Variants in ZMYND8 observed in about 807,000 individuals in gnomAD.
ZMYND8 encodes zinc finger MYND-type containing 8, also known as MYND-type zinc finger-containing chromatin reader ZMYND8.
In ZMYND8, 37 loss-of-function variants were observed where a neutral mutation model predicts 140.8. The ratio of observed to expected loss-of-function variants is 0.26; its 90% CI spans 0.20 to 0.35. The LOEUF is 0.35. ZMYND8 is among the 10% of genes least tolerant of loss of function. The probability of loss-of-function intolerance (pLI) is 1.00; values close to 1 mark genes in which losing one functional copy is unlikely to be tolerated. For missense variants in ZMYND8, 1,068 were observed against 1,570.0 expected, an observed-to-expected ratio of 0.68 and a Z score of 5.40; for synonymous variants, 592 against 597.1, an observed-to-expected ratio of 0.99 and a Z score of 0.12.
chr20:47,298,877 G>A lies in ZMYND8; in HGVS notation c.305C>T (p.Pro102Leu), dbSNP rs1569134750. The change falls in exon 4 of 23, where the codon CCG becomes CTG. Residue 102 changes from proline to leucine, a missense_variant. Around this residue, in one of 10 missense-constraint regions of ZMYND8, gnomAD observed 109 missense variants for 314.9 expected, o/e 0.35. Coordinates refer to ENST00000471951, the MANE Select transcript of ZMYND8 (RefSeq NM_001281775.3). This position sits in a 1 kb window ranked among gnomAD's most constrained non-coding sequence, Gnocchi z 5.0. ...PLTTDPVDVV[P>L]QDGRNDFYCW... ...GTAGAAATCATTCCGTCCATCCTGCGGTACAACATCAACAGGGTCTGTGGT... is the reference window on the plus strand; with the variant it reads ...GTAGAAATCATTCCGTCCATCCTGCAGTACAACATCAACAGGGTCTGTGGT... The A allele has an allele frequency of 3.1e-6, 5 of 1,613,980 alleles. No individual in the cohort carries two copies. The highest frequency in any genetic ancestry group is 1.7e-5 in the Admixed American group (1 of 59,968).
chr20:47,321,856 CT>C (rs60425976), intron 2 of ZMYND8, among the ~76,000 whole-genome samples: 2,624 of 123,440 alleles, frequency 0.021, 4 homozygotes, highest in African/African-American at 0.025. Context: ...ACTCGCCGCC[CT>C]TTTTTTTTTT....
At chr20:47,290,406 A>AG in intron 6 of ZMYND8, 132 bp from the exon 7 acceptor site, 1 of 686,738 alleles carries the variant, frequency 1.5e-6, no homozygotes, top group Non-Finnish European at 2.4e-6. Context: ...TCATTTCCCA[A>AG]GATGCTTCTT....
rs1404493201 is a variant in ZMYND8, at chr20:47,259,464, C to T, written c.1621+2824G>A. ...GGCACCCCATGCCTCCTCTCCAGACCTCCCTCAGTTTCTCCATCTGAAAAT... is the reference window on the plus strand; with the variant it reads ...GGCACCCCATGCCTCCTCTCCAGACTTCCCTCAGTTTCTCCATCTGAAAAT... On this transcript the variant is annotated intron_variant, in intron 12 of 22. Transcript: ENST00000471951. Among the ~76,000 whole-genome samples, 6 of 152,278 alleles carry T rather than the reference C, an allele frequency of 3.9e-5. No individual in the cohort carries two copies. The South Asian group carries it at 8.3e-4, about 21-fold the overall frequency.
At chr20:47,313,123 G>C (rs1000831122) in intron 2 of ZMYND8, among the ~76,000 whole-genome samples, 2 of 151,832 alleles carry the variant, frequency 1.3e-5, no homozygotes, top group African/African-American at 4.8e-5. Context: ...CCAGCACTTT[G>C]AGAGGCCGAG....
rs141173482 is a variant in ZMYND8, at chr20:47,234,202, T to C, written c.2856+2124A>G. On this transcript the variant is annotated intron_variant, in intron 16 of 22. Transcript: ENST00000471951. ...TAGCTGGGACTACAGGCGCATGCCA[T>C]CATGCCAGGCTGATTTTTTGTATTT... is the stretch of plus-strand genomic sequence containing the variant. Among the ~76,000 whole-genome samples the C allele has an allele frequency of 5.0e-3, 762 of 152,340 alleles. 5 individuals carry two copies. Among genetic ancestry groups the C allele is most frequent in the Non-Finnish European group, 9.1e-3 (617 of 68,032 alleles).
intron 11 of ZMYND8, among the ~76,000 whole-genome samples, chr20:47,267,713 C>A (rs2075635705): frequency 6.6e-6 from 1 of 152,192 alleles, no homozygotes; most frequent in Non-Finnish European, 1.5e-5. Context: ...AGAATAAAAT[C>A]CAACGTCCTC....
intron 21 of ZMYND8, among the ~76,000 whole-genome samples, chr20:47,218,917 G>A (rs1037314055): frequency 5.3e-5 from 8 of 152,154 alleles, no homozygotes; most frequent in Non-Finnish European, 1.0e-4. Flanking sequence ...GAAATGAAAT[G>A]TTTGCTTTTC....
Position 47,212,731 on chromosome 20 carries a change from G to GAGAT in ZMYND8, c.3485-10_3485-7dup. The GAGAT allele has an allele frequency of 6.2e-7, 1 of 1,607,298 alleles. No homozygotes were observed. Among genetic ancestry groups the GAGAT allele is most frequent in the Non-Finnish European group, 8.5e-7 (1 of 1,175,144 alleles). ...CTTGTCACACCTTTTGCTAACTGAA[G>GAGAT]AGATAGCACAGGTAGCCTCAGAGTC... On this transcript the variant is annotated splice_polypyrimidine_tract_variant and splice_region_variant and intron_variant, in intron 21 of 22. Coordinates refer to ENST00000471951, the MANE Select transcript of ZMYND8 (RefSeq NM_001281775.3).
chr20:47,284,409 G>A (rs1293812631), intron 8 of ZMYND8, among the ~76,000 whole-genome samples: 4 of 152,094 alleles, frequency 2.6e-5, no homozygotes, highest in Admixed American at 6.6e-5. Context: ...GGAGGGATGC[G>A]GGACTACTGA....
At chr20:47,340,289 T>C (rs958145121) in intron 2 of ZMYND8, among the ~76,000 whole-genome samples, 8 of 149,400 alleles carry the variant, frequency 5.4e-5, no homozygotes, top group African/African-American at 1.0e-4. Context: ...TCTCAAATCA[T>C]TGGGGTAAGT....
At chr20:47,240,721 AT>A (rs891515905) in intron 14 of ZMYND8, among the ~76,000 whole-genome samples, 1 of 149,980 alleles carries the variant, frequency 6.7e-6, no homozygotes. Flanking sequence ...CACCCAGCTA[AT>A]TTTTTTTATT....
chr20:47,309,274 T>C (rs561671382), intron 3 of ZMYND8, among the ~76,000 whole-genome samples: 47 of 152,018 alleles, frequency 3.1e-4, no homozygotes, highest in African/African-American at 1.1e-3. Context: ...AGCCTGCCCC[T>C]GGCAATGCCT....
intron 2 of ZMYND8, among the ~76,000 whole-genome samples, chr20:47,329,071 G>C (rs1377559485): frequency 1.3e-5 from 2 of 152,224 alleles, no homozygotes; most frequent in African/African-American, 4.8e-5. Flanking sequence ...AGAGGACTGT[G>C]TTCTCTGCAC....
chr20:47,277,029 C>G (rs1302048956), intron 10 of ZMYND8, among the ~76,000 whole-genome samples: 1 of 151,668 alleles, frequency 6.6e-6, no homozygotes, highest in Non-Finnish European at 1.5e-5. Context: ...AAAAGTGCAA[C>G]AGACTTAGTC....
chr20:47,210,687 TTTG>T lies in ZMYND8; in HGVS notation c.*71_*73del. 1.2e-6 allele frequency: 2 copies of T among 1,612,468 alleles called. No individual in the cohort carries two copies. Among genetic ancestry groups the T allele is most frequent in the South Asian group, 1.1e-5 (1 of 90,988 alleles). On this transcript the variant is annotated 3_prime_UTR_variant, in exon 23 of 23. Transcript: ENST00000471951. ...GTCTGAAAGTGGCTGTTCTCCTGCCTTTGTTGTTTCTTCTTTTCCTGGCGTCTG... is the reference window on the plus strand; with the variant it reads ...GTCTGAAAGTGGCTGTTCTCCTGCCTTTGTTTCTTCTTTTCCTGGCGTCTG...
intron 3 of ZMYND8, among the ~76,000 whole-genome samples, chr20:47,308,000 C>A (rs367888971): frequency 1.3e-5 from 2 of 151,190 alleles, no homozygotes; most frequent in African/African-American, 4.8e-5. Flanking sequence ...CGCCTGTAAT[C>A]CCAGCTACTC....
At chr20:47,238,610 C>A in intron 15 of ZMYND8, 148 bp downstream of exon 15, 1 of 1,381,152 alleles carries the variant, frequency 7.2e-7, no homozygotes, top group Non-Finnish European at 9.7e-7. Context: ...AAAAATAATG[C>A]CAAATGGAAT....
At chr20:47,276,988 C>T (rs781208262) in intron 10 of ZMYND8, among the ~76,000 whole-genome samples, 193 bp from the exon 11 acceptor site, 4 of 146,830 alleles carry the variant, frequency 2.7e-5, no homozygotes, top group Non-Finnish European at 4.5e-5. Context: ...CATAACAGAA[C>T]ATGAACAACA....
chr20:47,333,743 A>AAAAAAAAAAAAAAC (rs2081162464), intron 2 of ZMYND8, among the ~76,000 whole-genome samples: 6 of 142,448 alleles, frequency 4.2e-5, no homozygotes, highest in African/African-American at 1.7e-4. Flanking sequence ...AAAAAAAAAA[A>AAAAAAAAAAAAAAC]AAAAAAAAAA....
Sources: allele counts gnomAD v4.1 joint callset (sites outside exome capture counted in the v4.1 genomes callset), GRCh38; gene constraint gnomAD v4.1.1; regional missense constraint gnomAD v4.1.1; non-coding constraint Gnocchi (gnomAD v3.1); transcripts MANE v1.5; gene names NCBI Gene and HGNC (gene_info 2026-07-23, HGNC 2026-07-21).